The following EIF4EBP1 variants were observed in gnomAD, a reference collection of about 807,000 sequenced individuals.
EIF4EBP1 encodes eukaryotic translation initiation factor 4E-binding protein 1.
EIF4EBP1 carries 5 observed loss-of-function variants against 9.2 expected under a neutral mutation model. The observed-to-expected ratio is 0.54, with a 90% CI of 0.28 to 1.14. The LOEUF (loss-of-function observed/expected upper bound fraction) is 1.14, where lower values mean the gene tolerates loss of function less well. Ranked by LOEUF, EIF4EBP1 falls within the 50% of genes most tolerant of loss-of-function variation. EIF4EBP1 has a pLI of 0.09. For missense variants in EIF4EBP1, 139 were observed against 169.6 expected, an observed-to-expected ratio of 0.82 and a Z score of 1.00; for synonymous variants, 62 against 67.0, an observed-to-expected ratio of 0.93 and a Z score of 0.36.
intron 1 of EIF4EBP1, among the ~76,000 whole-genome samples, chr8:38,048,895 G>A (rs1215393067): frequency 2.6e-5 from 4 of 152,006 alleles, no homozygotes; most frequent in African/African-American, 7.2e-5. Context: ...TTGGGAGGCC[G>A]AGACGGGTGG....
At position 38,030,711 on chromosome 8, in the gene EIF4EBP1, C is replaced by G. The variant is rs752421645; in HGVS notation, c.138C>G (p.Thr46=). Reference sequence around the variant, plus strand: ...CCGGCGGCACGCTCTTCAGCACCACCCCGGGAGGTAGGCGCGGGCTTGGCG... The same window carrying G: ...CCGGCGGCACGCTCTTCAGCACCACGCCGGGAGGTAGGCGCGGGCTTGGCG... ...TTPGGTLFST[T]PGGTRIIYDR... The change falls in exon 1 of 3, where the codon ACC becomes ACG. Residue 46 remains threonine, a synonymous_variant. Coordinates refer to ENST00000338825, the MANE Select transcript of EIF4EBP1 (RefSeq NM_004095.4). The G allele has an allele frequency of 7.1e-7, 1 of 1,403,414 alleles. No individual in the cohort carries two copies. Among genetic ancestry groups the G allele is most frequent in the South Asian group, 1.5e-5 (1 of 64,750 alleles). The allele number at this position is 1,403,414 out of a possible 1,614,324, so 86.9% of individuals were successfully genotyped here.
In EIF4EBP1 at chr8:38,060,322, C is replaced by T. The variant is rs78978523; in HGVS notation, c.*387C>T. 1 of 298,210 alleles carries T rather than the reference C, an allele frequency of 3.4e-6. No homozygotes were observed. Among genetic ancestry groups the T allele is most frequent in the Admixed American group, 4.6e-5 (1 of 21,532 alleles). 18.5% of individuals were successfully genotyped at this position (298,210 alleles called of 1,614,324 possible). On this transcript the variant is annotated 3_prime_UTR_variant, in exon 3 of 3. Coordinates refer to ENST00000338825, the MANE Select transcript of EIF4EBP1 (RefSeq NM_004095.4). ...TTGGGAAAGCTCCCTCCCCCTCCTT[C>T]CCCAAGAGAGGAAATAAAAGCCACC...
Position 38,059,969 on chromosome 8 carries a change from GC to G in EIF4EBP1, c.*38del, listed in dbSNP as rs755380413. On this transcript the variant is annotated 3_prime_UTR_variant, in exon 3 of 3. Transcript: ENST00000338825. ...CCATCGTGTGGAGCACTACCAAGGG[GC>G]CCCTCAGGGCCTTCCTGGGAGGAGT... 1.4e-6 allele frequency: 2 copies of G among 1,478,364 alleles called. No homozygotes were observed. The highest frequency in any genetic ancestry group is 1.8e-6 in the Non-Finnish European group (2 of 1,108,276). The allele number at this position is 1,478,364 out of a possible 1,614,324, so 91.6% of individuals were successfully genotyped here. A position where few individuals can be genotyped will look rare whatever the true frequency, so the allele number is the denominator to read the frequency against.
intron 2 of EIF4EBP1, among the ~76,000 whole-genome samples, chr8:38,058,269 G>C (rs868723138): frequency 6.6e-6 from 1 of 152,176 alleles, no homozygotes. Flanking sequence ...CATGGTGCCC[G>C]CATCTGCTGG....
chr8:38,058,005 G>A (rs1046523906), intron 2 of EIF4EBP1, among the ~76,000 whole-genome samples: 6 of 152,132 alleles, frequency 3.9e-5, no homozygotes, highest in South Asian at 2.1e-4. Context: ...CCGGAAGGCC[G>A]TACCCCAGGC....
At chr8:38,050,985 A>G (rs926873172) in intron 1 of EIF4EBP1, among the ~76,000 whole-genome samples, 1 of 152,052 alleles carries the variant, frequency 6.6e-6, no homozygotes, top group Non-Finnish European at 1.5e-5. Flanking sequence ...ACCATTCAGG[A>G]GGTCAACTTT....
Position 38,060,217 on chromosome 8 carries a change from G to T in EIF4EBP1, c.*282G>T. On this transcript the variant is annotated 3_prime_UTR_variant, in exon 3 of 3. Transcript: ENST00000338825. ...CAAGGGCCAGGAAGTGGACAAGAACGAACCCTTCCTTCCGAATGATCAGCA... is the reference window on the plus strand; with the variant it reads ...CAAGGGCCAGGAAGTGGACAAGAACTAACCCTTCCTTCCGAATGATCAGCA... 1.9e-6 allele frequency: 1 copy of T among 521,606 alleles called. No homozygotes were observed. The highest frequency in any genetic ancestry group is 3.4e-6 in the Non-Finnish European group (1 of 290,488). 32.3% of individuals were successfully genotyped at this position (521,606 alleles called of 1,614,324 possible).
chr8:38,038,335 C>T lies in EIF4EBP1; in HGVS notation c.145+7617C>T, dbSNP rs191710654. 2.6e-4 allele frequency among the ~76,000 whole-genome samples: 40 copies of T among 151,138 alleles called. No individual in the cohort carries two copies. The East Asian group carries it at 7.2e-3, about 27-fold the overall frequency. On this transcript the variant is annotated intron_variant, in intron 1 of 2. Coordinates refer to ENST00000338825, the MANE Select transcript of EIF4EBP1 (RefSeq NM_004095.4). ...CATCCTGGCTAACATGGTGAAACCC[C>T]GTCTCTACTAAAAGTACAAAAAATT...
chr8:38,060,305 GCTCCCTCCCC>G lies in EIF4EBP1; in HGVS notation c.*375_*384del. On this transcript the variant is annotated 3_prime_UTR_variant, in exon 3 of 3. Transcript: ENST00000338825. ...TCCTTAGGTTGATGTGCTTGGGAAA[GCTCCCTCCCC>G]CTCCTTCCCCAAGAGAGGAAATAAA... The G allele has an allele frequency of 3.1e-6, 1 of 325,560 alleles. No individual in the cohort carries two copies. The highest frequency in any genetic ancestry group is 3.9e-5 in the South Asian group (1 of 25,372). 20.2% of individuals were successfully genotyped at this position (325,560 alleles called of 1,614,324 possible). A position where few individuals can be genotyped will look rare whatever the true frequency, so the allele number is the denominator to read the frequency against.
chr8:38,056,724 G>A (rs1809599724), intron 1 of EIF4EBP1, among the ~76,000 whole-genome samples: 1 of 150,734 alleles, frequency 6.6e-6, no homozygotes, highest in African/African-American at 2.4e-5. Context: ...GGTGTACAGT[G>A]GTGCAATCGG....
chr8:38,047,282 A>G (rs1264487436), intron 1 of EIF4EBP1: 1 of 152,154 alleles, frequency 6.6e-6, no homozygotes, highest in African/African-American at 2.4e-5. Flanking sequence ...TTAAATCCCT[A>G]GCACCTCGCA....
chr8:38,030,744 T>C, intron 1 of EIF4EBP1, 26 bp downstream of exon 1: 1 of 1,376,176 alleles, frequency 7.3e-7, no homozygotes. Flanking sequence ...GCGACGCCGC[T>C]TGCCGGCTCC....
At chr8:38,036,841 G>T (rs1377514852) in intron 1 of EIF4EBP1, among the ~76,000 whole-genome samples, 1 of 151,882 alleles carries the variant, frequency 6.6e-6, no homozygotes, top group Non-Finnish European at 1.5e-5. Flanking sequence ...GTAGAGATGA[G>T]GTTTCGCCAT....
chr8:38,038,652 G>A (rs973113111), intron 1 of EIF4EBP1, among the ~76,000 whole-genome samples: 16 of 151,222 alleles, frequency 1.1e-4, no homozygotes, highest in African/African-American at 3.9e-4. Context: ...ACAGGTGTGC[G>A]CCACCACGCC....
intron 1 of EIF4EBP1, among the ~76,000 whole-genome samples, chr8:38,052,420 C>T (rs912990020): frequency 2.6e-5 from 4 of 151,376 alleles, no homozygotes; most frequent in African/African-American, 9.8e-5. Context: ...GCCACCATGC[C>T]TGGTTAATTT....
At chr8:38,054,163 C>T (rs947379054) in intron 1 of EIF4EBP1, among the ~76,000 whole-genome samples, 1 of 152,060 alleles carries the variant, frequency 6.6e-6, no homozygotes, top group Non-Finnish European at 1.5e-5. Flanking sequence ...AACAAACCAA[C>T]AACAACAAAA....
chr8:38,053,166 T>A (rs931015041), intron 1 of EIF4EBP1, among the ~76,000 whole-genome samples: 3 of 151,996 alleles, frequency 2.0e-5, no homozygotes, highest in Non-Finnish European at 4.4e-5. Context: ...TACAGGGGTG[T>A]GCCACCACGC....
intron 1 of EIF4EBP1, among the ~76,000 whole-genome samples, chr8:38,050,410 G>A (rs1030286310): frequency 3.9e-5 from 6 of 152,046 alleles, no homozygotes; most frequent in East Asian, 1.9e-4. Context: ...GTATAGTGGT[G>A]CAGTCTTAGC....
chr8:38,030,852 A>G (rs1809206875), intron 1 of EIF4EBP1, 134 bp downstream of exon 1: 1 of 1,296,876 alleles, frequency 7.7e-7, no homozygotes. Flanking sequence ...TCGGAGAGAC[A>G]GCGAGGGTCA....
Sources: allele counts gnomAD v4.1 joint callset (sites outside exome capture counted in the v4.1 genomes callset), GRCh38; gene constraint gnomAD v4.1.1; transcripts MANE v1.5; gene names NCBI Gene and HGNC (gene_info 2026-07-23, HGNC 2026-07-21).